The following KERA variants were observed in gnomAD, a reference collection of about 807,000 sequenced individuals.
KERA encodes keratan sulfate proteoglycan keratocan.
A neutral mutation model predicts 26.4 loss-of-function variants in KERA; 25 were observed. That is an observed-to-expected ratio of 0.95 (90% CI 0.69 to 1.32). The LOEUF (loss-of-function observed/expected upper bound fraction) is 1.32, where lower values mean the gene tolerates loss of function less well. Ranked by LOEUF, KERA falls within the 40% of genes most tolerant of loss-of-function variation. The probability of loss-of-function intolerance (pLI) is 0.00; values close to 1 mark genes in which losing one functional copy is unlikely to be tolerated. For synonymous variants in KERA, 167 were observed against 146.1 expected (o/e 1.14, Z -1.03); for missense variants, 434 against 408.9 (o/e 1.06, Z -0.53).
chr12:91,053,356 T>C lies in KERA; in HGVS notation c.887-1838A>G, dbSNP rs546187897. ...ACAATGAAGGAAAGTATTGTTATTATACTGTATGAGTGAAAAAAACACTTC... is the reference window on the plus strand; with the variant it reads ...ACAATGAAGGAAAGTATTGTTATTACACTGTATGAGTGAAAAAAACACTTC... On this transcript the variant is annotated intron_variant, in intron 2 of 2. Transcript: ENST00000266719. Among the ~76,000 whole-genome samples the C allele has an allele frequency of 4.6e-5, 7 of 151,520 alleles. No homozygotes were observed. The South Asian group carries it at 1.5e-3, about 31-fold the overall frequency.
At chr12:91,052,662 A>G (rs1878896227) in intron 2 of KERA, among the ~76,000 whole-genome samples, 1 of 151,674 alleles carries the variant, frequency 6.6e-6, no homozygotes, top group East Asian at 1.9e-4. Flanking sequence ...CAATATTATT[A>G]TTCTACATAC....
intron 2 of KERA, among the ~76,000 whole-genome samples, chr12:91,054,182 C>T (rs1878933121): frequency 6.6e-6 from 1 of 151,254 alleles, no homozygotes; most frequent in African/African-American, 2.4e-5. Flanking sequence ...TTTAACTCCC[C>T]CCACCAAAAA....
At chr12:91,054,504 C>T (rs1592647416) in intron 2 of KERA, among the ~76,000 whole-genome samples, 1 of 151,276 alleles carries the variant, frequency 6.6e-6, no homozygotes, top group Non-Finnish European at 1.5e-5. Context: ...CCTATTTTTA[C>T]ACCAAGTCCA....
intron 1 of KERA, among the ~76,000 whole-genome samples, chr12:91,057,339 TA>T (rs966458207): frequency 2.8e-5 from 4 of 140,948 alleles, no homozygotes; most frequent in African/African-American, 1.0e-4. Flanking sequence ...ATATATATTT[TA>T]ATAATTTATA....
At chr12:91,053,944 C>T (rs1878925532) in intron 2 of KERA, among the ~76,000 whole-genome samples, 2 of 151,254 alleles carry the variant, frequency 1.3e-5, no homozygotes, top group South Asian at 4.1e-4. Context: ...TGTAATATAC[C>T]TGTAGAAGCA....
At position 91,056,256 on chromosome 12, in the gene KERA, A is replaced by G. The variant is rs767549485; in HGVS notation, c.26T>C (p.Met9Thr). The G allele has an allele frequency of 1.9e-6, 3 of 1,609,456 alleles. No individual in the cohort carries two copies. The highest frequency in any genetic ancestry group is 1.1e-5 in the South Asian group (1 of 90,978). MAGTICFIMWVLFITDTVW... is the reference protein window; with the variant it reads MAGTICFITWVLFITDTVW... Reference sequence around the variant, plus strand: ...AGTGTCTGTTATGAATAACACCCACATGATGAAACAGATTGTGCCTGCCAT... The same window carrying G: ...AGTGTCTGTTATGAATAACACCCACGTGATGAAACAGATTGTGCCTGCCAT... The change falls in exon 2 of 3, where the codon ATG (methionine) becomes ACG (threonine). Residue 9 changes from methionine (M) to threonine (T), a missense_variant. By Grantham distance (81) the Met-to-Thr change is moderately conservative. Transcript: ENST00000266719.
chr12:91,051,208 A>G lies in KERA; in HGVS notation c.*138T>C, dbSNP rs1565743894. The G allele has an allele frequency of 1.1e-5, 8 of 738,720 alleles. No homozygotes were observed. The highest frequency in any genetic ancestry group is 3.7e-4 in the Middle Eastern group (1 of 2,718). 45.8% of individuals were successfully genotyped at this position (738,720 alleles called of 1,614,324 possible). A position where few individuals can be genotyped will look rare whatever the true frequency, so the allele number is the denominator to read the frequency against. On this transcript the variant is annotated 3_prime_UTR_variant, in exon 3 of 3. Coordinates refer to ENST00000266719, the MANE Select transcript of KERA (RefSeq NM_007035.4). ...AACTGGCAAAAGCATCTTTGAATAGAAAAAATACACTGCACAAATGAAAAT... is the reference window on the plus strand; with the variant it reads ...AACTGGCAAAAGCATCTTTGAATAGGAAAAATACACTGCACAAATGAAAAT...
chr12:91,055,608 A>G lies in KERA; in HGVS notation c.674T>C (p.Ile225Thr), dbSNP rs1274713087. 8 of 1,611,122 alleles carry G rather than the reference A, an allele frequency of 5.0e-6. No individual in the cohort carries two copies. The highest frequency in any genetic ancestry group is 2.2e-5 in the East Asian group (1 of 44,806). ...AAAATAATTTTCTGGTATTCCTTCA[A>G]TGGAATTGTTGTCTAAAAACAACTG... ...TMQLFLDNNS[I>T]EGIPENYFNV... The change falls in exon 2 of 3, where the codon ATT (isoleucine) becomes ACT (threonine). Residue 225 changes from isoleucine (I) to threonine (T), a missense_variant. Coordinates refer to ENST00000266719, the MANE Select transcript of KERA (RefSeq NM_007035.4).
chr12:91,055,729 T>G lies in KERA; in HGVS notation c.553A>C (p.Arg185=). Residue 185 remains arginine (R), a synonymous_variant, in exon 2 of 3, where the codon AGA becomes CGA. Coordinates refer to ENST00000266719, the MANE Select transcript of KERA (RefSeq NM_007035.4). ...TTCTTGAGTCCTTTAAAAGTGTCTC[T>G]TTGAAAGGCATTGTCCACTAATTTG... ...NNKLVDNAFQ[R]DTFKGLKNLM... The G allele has an allele frequency of 6.2e-7, 1 of 1,611,448 alleles. No individual in the cohort carries two copies. The highest frequency in any genetic ancestry group is 8.5e-7 in the Non-Finnish European group (1 of 1,178,262).
Position 91,051,153 on chromosome 12 carries a change from A to G in KERA, c.*193T>C, listed in dbSNP as rs946819862. ...GTGTCTGTTTTATTAATTAAAAGAA[A>G]AGCAAATTAATGCAGGCTGTGATGC... On this transcript the variant is annotated 3_prime_UTR_variant, in exon 3 of 3. Transcript: ENST00000266719. 1.2e-5 allele frequency: 7 copies of G among 562,898 alleles called. No individual in the cohort carries two copies. Among genetic ancestry groups the G allele is most frequent in the Non-Finnish European group, 1.9e-5 (6 of 312,352 alleles). The allele number at this position is 562,898 out of a possible 1,614,324, so 34.9% of individuals were successfully genotyped here.
At chr12:91,052,226 C>T (rs1177442465) in intron 2 of KERA, among the ~76,000 whole-genome samples, 1 of 151,446 alleles carries the variant, frequency 6.6e-6, no homozygotes, top group African/African-American at 2.4e-5. Flanking sequence ...TAATTGTGCA[C>T]CTGCCTTGGA....
chr12:91,056,746 C>G (rs1284720179), intron 1 of KERA, among the ~76,000 whole-genome samples: 1 of 151,204 alleles, frequency 6.6e-6, no homozygotes, highest in Admixed American at 6.6e-5. Flanking sequence ...ATGAGATTTC[C>G]TAGGCCTTTT....
chr12:91,055,107 T>G (rs1878958029), intron 2 of KERA, among the ~76,000 whole-genome samples: 1 of 150,794 alleles, frequency 6.6e-6, no homozygotes, highest in Admixed American at 6.6e-5. Flanking sequence ...TATTGGAATC[T>G]CCTGGAGTAA....
In KERA at chr12:91,056,079, G is replaced by A. The variant is rs1041498553; in HGVS notation, c.203C>T (p.Ala68Val). The A allele has an allele frequency of 2.2e-5, 36 of 1,608,218 alleles. No individual in the cohort carries two copies. The highest frequency in any genetic ancestry group is 3.0e-5 in the Non-Finnish European group (35 of 1,177,338). The change falls in exon 2 of 3, where the codon GCT becomes GTT. Residue 68 changes from alanine (A) to valine (V), a missense_variant. Transcript: ENST00000266719. ...CENRGLKEIP[A>V]IPSRIWYLYL... is the part of the protein sequence containing the mutation. Reference sequence around the variant, plus strand: ...AAGATACCAAATTCTTGAAGGAATAGCAGGAATTTCTTTGAGACCTCTATT... The same window carrying A: ...AAGATACCAAATTCTTGAAGGAATAACAGGAATTTCTTTGAGACCTCTATT...
In KERA at chr12:91,056,293, C is replaced by T. The variant is rs1216333519; in HGVS notation, c.-8-4G>A. 2 of 1,604,788 alleles carry T rather than the reference C, an allele frequency of 1.2e-6. No individual in the cohort carries two copies. Among genetic ancestry groups the T allele is most frequent in the Non-Finnish European group, 8.5e-7 (1 of 1,173,952 alleles). ...ATTGTGCCTGCCATTATAGCACCTA[C>T]AGAAAAAGGAACACAACTGTTAGAT... On this transcript the variant is annotated splice_polypyrimidine_tract_variant and splice_region_variant and intron_variant, in intron 1 of 2. Transcript: ENST00000266719.
Position 91,057,374 on chromosome 12 carries a change from TTATATA to T in KERA, c.-9+364_-9+369del, listed in dbSNP as rs10543721. 3.7e-4 allele frequency among the ~76,000 whole-genome samples: 54 copies of T among 145,786 alleles called. 1 individual carries two copies. Among genetic ancestry groups the T allele is most frequent in the African/African-American group, 1.1e-3 (45 of 40,478 alleles). On this transcript the variant is annotated intron_variant, in intron 1 of 2. Coordinates refer to ENST00000266719, the MANE Select transcript of KERA (RefSeq NM_007035.4). ...TAGCATACATATGTTACATATATAT[TTATATA>T]TATATATATATATCAGTAACATTCT...
At position 91,055,953 on chromosome 12, in the gene KERA, TA is replaced by T; in HGVS notation, c.328del (p.Tyr110ThrfsTer8). ...GCTTAGGGCTCCTTTTTCAATTCCGTAGTTGGTTATTTTGTTCTTGTTTAGA... is the reference window on the plus strand; with the variant it reads ...GCTTAGGGCTCCTTTTTCAATTCCGTGTTGGTTATTTTGTTCTTGTTTAGA... ...INLNKNKITNYGIEKGALSQL... is the reference protein window; with the variant it reads ...INLNKNKITNXGIEKGALSQL... On this transcript the variant is annotated frameshift_variant, in exon 2 of 3. Transcript: ENST00000266719. LOFTEE classifies it high-confidence loss of function. The T allele has an allele frequency of 6.2e-7, 1 of 1,611,090 alleles. No homozygotes were observed.
chr12:91,057,138 A>G (rs1177459211), intron 1 of KERA, among the ~76,000 whole-genome samples: 1 of 150,504 alleles, frequency 6.6e-6, no homozygotes, highest in African/African-American at 2.4e-5. Flanking sequence ...ATTATGGTTG[A>G]TAAGAAACAA....
chr12:91,056,977 TTCTC>T (rs886485276), intron 1 of KERA, among the ~76,000 whole-genome samples: 27 of 146,976 alleles, frequency 1.8e-4, no homozygotes, highest in Admixed American at 4.1e-4. Context: ...CTCTCTCCCT[TTCTC>T]TCTCTCTCTC....
Sources: gnomAD v4.1 joint callset for allele counts (sites outside exome capture counted in the v4.1 genomes callset) on GRCh38, gnomAD v4.1.1 for gene constraint, MANE v1.5 for transcripts, NCBI Gene and HGNC (gene_info 2026-07-23, HGNC 2026-07-21) for gene names.